The following ANK1 variants were observed in gnomAD, a reference collection of about 807,000 sequenced individuals.
ANK1 encodes ankyrin 1, also known as ankyrin-1.
Under a neutral mutation model 210.4 loss-of-function variants are expected in ANK1, and 51 were observed. The observed-to-expected ratio is 0.24, with a 90% confidence interval of 0.19 to 0.31. ANK1 has a LOEUF of 0.31. ANK1 is among the 10% of genes least tolerant of loss of function. The pLI is 1.00. For synonymous variants in ANK1, 967 were observed against 1,025.9 expected (o/e 0.94, Z 1.10); for missense variants, 2,051 against 2,504.4 (o/e 0.82, Z 3.86).
intron 1 of ANK1, among the ~76,000 whole-genome samples, chr8:41,825,032 C>T (rs1300093487): frequency 6.6e-6 from 1 of 152,180 alleles, no homozygotes; most frequent in Non-Finnish European, 1.5e-5. Flanking sequence ...AACAGAGTAA[C>T]CTAAAGATGA....
At chr8:41,656,225 CA>C (rs1805654078) in intron 42 of ANK1, among the ~76,000 whole-genome samples, 4 of 152,388 alleles carry the variant, frequency 2.6e-5, no homozygotes, top group African/African-American at 9.6e-5. Flanking sequence ...TTTCTCAGTT[CA>C]GCTCTGCCAA....
At chr8:41,717,090 C>T in intron 12 of ANK1, 39 bp from the exon 13 acceptor site, 1 of 1,607,502 alleles carries the variant, frequency 6.2e-7, no homozygotes, top group Non-Finnish European at 8.5e-7. Flanking sequence ...TCATACATGC[C>T]TGCTGTCCAA....
At position 41,661,931 on chromosome 8, in the gene ANK1, T is replaced by C. The variant is rs758718875; in HGVS notation, c.5489A>G (p.Lys1830Arg). 6.2e-7 allele frequency: 1 copy of C among 1,613,872 alleles called. No individual in the cohort carries two copies. Among genetic ancestry groups the C allele is most frequent in the Non-Finnish European group, 8.5e-7 (1 of 1,179,984 alleles). The change falls in exon 41 of 43, where the codon AAG (lysine) becomes AGG (arginine). Residue 1830 changes from lysine (K) to arginine (R), a missense_variant. Coordinates refer to ENST00000289734, the MANE Select transcript of ANK1 (RefSeq NM_000037.4). ...GNIVTKKIIRKVVRQIDLSSA... is the reference protein window; with the variant it reads ...GNIVTKKIIRRVVRQIDLSSA... ...GGACAAGTCTATCTGTCGAACCACC[T>C]TGCGAATGATCTAGGAAAGGAAGGG...
intron 37 of ANK1, among the ~76,000 whole-genome samples, chr8:41,681,274 G>A (rs1249250291): frequency 6.6e-5 from 10 of 152,240 alleles, no homozygotes; most frequent in Admixed American, 6.5e-5. Context: ...GAACTCACAC[G>A]GGTGTGAGAT....
intron 2 of ANK1, among the ~76,000 whole-genome samples, chr8:41,753,355 C>T (rs1233538099): frequency 5.3e-5 from 8 of 152,138 alleles, no homozygotes; most frequent in African/African-American, 1.2e-4. Context: ...TATGAGCTAT[C>T]GCGCCCGGCC....
At chr8:41,801,716 T>C (rs1388600362), upstream of ANK1, among the ~76,000 whole-genome samples, 1 of 152,232 alleles carries the variant, frequency 6.6e-6, no homozygotes, top group Non-Finnish European at 1.5e-5. Context: ...ATGTTGTTTG[T>C]CTTTTTCTTA....
intron 1 of ANK1, chr8:41,896,282 C>A: frequency 6.6e-7 from 1 of 1,505,772 alleles, no homozygotes; most frequent in South Asian, 1.3e-5. Context: ...CGTCCCGGGC[C>A]GCCCGACCCC....
intron 16 of ANK1, among the ~76,000 whole-genome samples, chr8:41,711,422 G>T (rs192696935): frequency 6.6e-6 from 1 of 152,150 alleles, no homozygotes; most frequent in African/African-American, 2.4e-5. Context: ...GCAACTGACC[G>T]GCATTCATGT....
chr8:41,835,890 G>A (rs559875122), intron 1 of ANK1, among the ~76,000 whole-genome samples: 84 of 152,320 alleles, frequency 5.5e-4, no homozygotes, highest in Middle Eastern at 3.4e-3. Context: ...GTGTCGCCCC[G>A]CCTGGGAGGA....
chr8:41,684,743 AC>A, intron 36 of ANK1, 53 bp from the exon 37 acceptor site: 2 of 1,584,362 alleles, frequency 1.3e-6, no homozygotes, highest in Non-Finnish European at 1.7e-6. Flanking sequence ...AGCGAGGATC[AC>A]ATGGGCTCAG....
chr8:41,703,892 C>T (rs1043928504), intron 20 of ANK1, 149 bp downstream of exon 20: 7 of 721,368 alleles, frequency 9.7e-6, no homozygotes, highest in African/African-American at 8.7e-5. Context: ...ACCCCATCCC[C>T]AGGGTACCCA....
In ANK1 at chr8:41,692,102, G is replaced by C. The variant is rs373307137; in HGVS notation, c.3858+546C>G. Among the ~76,000 whole-genome samples, 4 of 151,460 alleles carry C rather than the reference G, an allele frequency of 2.6e-5. No homozygotes were observed. The East Asian group carries it at 7.8e-4, about 29-fold the overall frequency. On this transcript the variant is annotated intron_variant, in intron 31 of 42. Transcript: ENST00000289734. The stretch of plus-strand genomic sequence containing the variant: ...AACAGAGTCTTGCTCTGTCACCCAG[G>C]CTGGAGGGCAACAGTGCGATCTCGG...
At position 41,824,217 on chromosome 8, in the gene ANK1, G is replaced by A. The variant is rs546414417; in HGVS notation, c.127-66080C>T. On this transcript the variant is annotated intron_variant, in intron 1 of 42. Transcript: ENST00000265709. ...TGACCTCAGGTGATCCAACCGCCTC[G>A]GCCTCCCAAAGTGCTGGGATTACAA... 3.7e-3 allele frequency among the ~76,000 whole-genome samples: 557 copies of A among 152,142 alleles called. 4 individuals are homozygous for A. Among genetic ancestry groups the A allele is most frequent in the African/African-American group, 0.013 (526 of 41,494 alleles).
At chr8:41,840,581 C>T (rs113579687) in intron 1 of ANK1, among the ~76,000 whole-genome samples, 2,956 of 152,272 alleles carry the variant, frequency 0.019, 41 homozygotes, top group Non-Finnish European at 0.021. Flanking sequence ...CCCTGGCTTG[C>T]GGGCAGCTGG....
intron 37 of ANK1, among the ~76,000 whole-genome samples, chr8:41,675,825 T>C (rs1229067852): frequency 1.3e-5 from 2 of 152,238 alleles, no homozygotes; most frequent in African/African-American, 4.8e-5. Context: ...CACATCAGTT[T>C]GCATTTCCCA....
chr8:41,721,784 G>T (rs979190361), intron 9 of ANK1, among the ~76,000 whole-genome samples: 2 of 151,506 alleles, frequency 1.3e-5, no homozygotes, highest in South Asian at 4.2e-4. Context: ...GTGGTTCTTT[G>T]TTAAGGTGGA....
chr8:41,739,254 A>G (rs932028433), intron 2 of ANK1, among the ~76,000 whole-genome samples: 2 of 152,104 alleles, frequency 1.3e-5, no homozygotes, highest in African/African-American at 4.8e-5. Context: ...CTACTGATGA[A>G]CCTGTTGAAT....
At chr8:41,676,668 G>A (rs555413238) in intron 37 of ANK1, among the ~76,000 whole-genome samples, 5 of 152,070 alleles carry the variant, frequency 3.3e-5, no homozygotes, top group African/African-American at 1.2e-4. Context: ...GATCTTTAAG[G>A]TTTTTTTCTT....
At chr8:41,802,868 A>G (rs1242003602) in intron 1 of ANK1, among the ~76,000 whole-genome samples, 1 of 142,030 alleles carries the variant, frequency 7.0e-6, no homozygotes, top group Non-Finnish European at 1.5e-5. Context: ...AGCGATGATC[A>G]TGCCACGGCA....
Sources: allele counts gnomAD v4.1 joint callset (sites outside exome capture counted in the v4.1 genomes callset), GRCh38; gene constraint gnomAD v4.1.1; transcripts MANE v1.5; gene names NCBI Gene and HGNC (gene_info 2026-07-23, HGNC 2026-07-21).